Variants in PWWP3B observed in about 807,000 individuals in gnomAD.
PWWP3B encodes the protein PWWP domain-containing DNA repair factor 3B.
A neutral mutation model predicts 15.7 loss-of-function variants in PWWP3B; 5 were observed. The observed-to-expected ratio is 0.32, with a 90% CI of 0.17 to 0.67. PWWP3B has a LOEUF of 0.67. Among genes scored for constraint, PWWP3B ranks in the 30% least tolerant of loss-of-function variants. PWWP3B has a pLI of 0.74. For synonymous variants in PWWP3B, 203 were observed against 179.8 expected (o/e 1.13, Z -1.03); for missense variants, 519 against 493.1 (o/e 1.05, Z -0.50).
chrX:106,191,595 G>C (rs1922966942), intron 2 of PWWP3B, among the ~76,000 whole-genome samples: 1 of 111,478 alleles, frequency 9.0e-6, no homozygotes, highest in Admixed American at 9.5e-5. Context: ...AGAGTGGTGA[G>C]AGAGGGCATC....
At chrX:106,192,263 C>G (rs1201355811) in intron 2 of PWWP3B, among the ~76,000 whole-genome samples, 2 of 111,283 alleles carry the variant, frequency 1.8e-5, no homozygotes, top group East Asian at 5.7e-4. Flanking sequence ...TCCTGGTTTA[C>G]TCTTGGGGGG....
chrX:106,180,363 AT>A (rs1036733975), intron 2 of PWWP3B, among the ~76,000 whole-genome samples: 4 of 111,066 alleles, frequency 3.6e-5, no homozygotes, highest in Admixed American at 9.6e-5. Context: ...ATTTTTAAAT[AT>A]TTCCCCCCCA....
chrX:106,187,580 C>G (rs1922594612), intron 2 of PWWP3B, among the ~76,000 whole-genome samples: 1 of 111,883 alleles, frequency 8.9e-6, no homozygotes, highest in South Asian at 3.8e-4. Flanking sequence ...TTACCTTTTT[C>G]TATACTTGGG....
chrX:106,199,019 T>C (rs1923541068), intron 2 of PWWP3B, among the ~76,000 whole-genome samples: 3 of 109,730 alleles, frequency 2.7e-5, no homozygotes, highest in African/African-American at 6.6e-5. Flanking sequence ...GGATTAATTG[T>C]ATAATAAGAA....
intron 2 of PWWP3B, among the ~76,000 whole-genome samples, chrX:106,190,813 A>G (rs1922887789): frequency 9.0e-6 from 1 of 111,455 alleles, no homozygotes; most frequent in African/African-American, 3.3e-5. Flanking sequence ...TCGTTTCCCC[A>G]TTGCTTGTTT....
chrX:106,174,641 A>G (rs1416141368), intron 2 of PWWP3B, among the ~76,000 whole-genome samples: 1 of 111,796 alleles, frequency 8.9e-6, no homozygotes, highest in Non-Finnish European at 1.9e-5. Flanking sequence ...CCTGTCCAGG[A>G]ATCACCATAT....
intron 2 of PWWP3B, among the ~76,000 whole-genome samples, chrX:106,172,244 C>A (rs1187615153): frequency 9.1e-6 from 1 of 109,438 alleles, no homozygotes; most frequent in African/African-American, 3.3e-5. Context: ...TTAGGCTACA[C>A]TAAATTTATA....
At chrX:106,191,493 C>A (rs997911644) in intron 2 of PWWP3B, among the ~76,000 whole-genome samples, 5 of 111,408 alleles carry the variant, frequency 4.5e-5, no homozygotes, top group Non-Finnish European at 7.5e-5. Context: ...CAAACAGGGA[C>A]AATTTGACTT....
rs915296162 is a variant in PWWP3B at position 106,195,475 on chromosome X, G to T, written c.-400-8510G>T. ...TTATAATTTTTGGTTTTATATTTAG[G>T]TCGCTAACCCATTTTGAGTAATTTT... On this transcript the variant is annotated intron_variant, in intron 2 of 3. Coordinates refer to ENST00000357175, the MANE Select transcript of PWWP3B (RefSeq NM_001171020.2). 6.3e-5 allele frequency among the ~76,000 whole-genome samples: 7 copies of T among 111,395 alleles called. No homozygotes were observed. In the Admixed American group the frequency reaches 6.7e-4, roughly 11 times the overall value.
At chrX:106,194,035 T>C (rs2147620890) in intron 2 of PWWP3B, among the ~76,000 whole-genome samples, 1 of 111,225 alleles carries the variant, frequency 9.0e-6, no homozygotes, top group East Asian at 2.8e-4. Context: ...TTGCTCTTCT[T>C]GAGGAGTATC....
intron 2 of PWWP3B, among the ~76,000 whole-genome samples, chrX:106,176,228 G>C (rs1921893060): frequency 9.0e-6 from 1 of 111,193 alleles, no homozygotes; most frequent in African/African-American, 3.3e-5. Flanking sequence ...TGATTAGCTG[G>C]GATTACAGGC....
intron 2 of PWWP3B, among the ~76,000 whole-genome samples, chrX:106,180,348 C>T (rs917520411): frequency 3.6e-5 from 4 of 111,503 alleles, no homozygotes; most frequent in Admixed American, 2.9e-4. Context: ...TACTCCTTTT[C>T]TTAGATTTTT....
intron 2 of PWWP3B, among the ~76,000 whole-genome samples, chrX:106,182,966 A>G (rs1330452963): frequency 2.7e-5 from 3 of 111,241 alleles, no homozygotes; most frequent in Non-Finnish European, 5.7e-5. Context: ...AAATCCTCCA[A>G]CGGTTTGCAG....
intron 2 of PWWP3B, among the ~76,000 whole-genome samples, chrX:106,200,551 A>T (rs1428588361): frequency 9.0e-6 from 1 of 111,516 alleles, no homozygotes; most frequent in Non-Finnish European, 1.9e-5. Context: ...AGCCAAATAA[A>T]ATACTTTATT....
In PWWP3B at chrX:106,206,190, C is replaced by T. The variant is rs1409429372; in HGVS notation, c.758C>T (p.Ala253Val). 8.3e-7 allele frequency: 1 copy of T among 1,205,985 alleles called. No homozygotes were observed. Among genetic ancestry groups the T allele is most frequent in the African/African-American group, 1.7e-5 (1 of 57,628 alleles). ...LSSDMLIMPK[A>V]LKEESEDTCL... ...TCAGATATGCTCATTATGCCCAAAG[C>T]TTTGAAAGAAGAGAGCGAGGATACC... Residue 253 changes from alanine to valine, a missense_variant, in exon 4 of 4, where the codon GCT becomes GTT. Physicochemically the swap from Ala to Val is moderately conservative, Grantham distance 64 (BLOSUM62 0). Coordinates refer to ENST00000357175, the MANE Select transcript of PWWP3B (RefSeq NM_001171020.2).
chrX:106,180,843 C>T (rs931002657), intron 2 of PWWP3B, among the ~76,000 whole-genome samples: 2 of 112,082 alleles, frequency 1.8e-5, no homozygotes, highest in Admixed American at 1.9e-4. Flanking sequence ...TGTCACTGAA[C>T]TTTAAAAAAT....
chrX:106,189,803 G>C (rs1602846279), intron 2 of PWWP3B, among the ~76,000 whole-genome samples: 1 of 109,239 alleles, frequency 9.2e-6, no homozygotes, highest in African/African-American at 3.3e-5. Flanking sequence ...ATTTTTAGTA[G>C]AGACGGGGTT....
At chrX:106,193,606 CGTTA>C (rs1353141270) in intron 2 of PWWP3B, among the ~76,000 whole-genome samples, 4 of 111,545 alleles carry the variant, frequency 3.6e-5, no homozygotes. Flanking sequence ...TTATTTTGCT[CGTTA>C]GTTGATGTAG....
chrX:106,200,088 A>G (rs192485749), intron 2 of PWWP3B, among the ~76,000 whole-genome samples: 101 of 111,398 alleles, frequency 9.1e-4, no homozygotes, highest in African/African-American at 3.1e-3. Flanking sequence ...ACTGTTAACT[A>G]GCAGTGATGT....
Sources: gnomAD v4.1 joint callset for allele counts (sites outside exome capture counted in the v4.1 genomes callset) on GRCh38, gnomAD v4.1.1 for gene constraint, MANE v1.5 for transcripts, NCBI Gene and HGNC (gene_info 2026-07-23, HGNC 2026-07-21) for gene names.